SLC25A21: variants seen among roughly 807,000 people sequenced by gnomAD.
SLC25A21 encodes solute carrier family 25 member 21, also known as mitochondrial 2-oxodicarboxylate carrier.
SLC25A21 carries 47 observed loss-of-function variants against 43.8 expected under a neutral mutation model. The observed-to-expected ratio is 1.07, with a 90% CI of 0.85 to 1.37. The LOEUF is 1.37. Ranked by LOEUF, SLC25A21 falls within the 40% of genes most tolerant of loss-of-function variation. The pLI, the probability that SLC25A21 is intolerant of heterozygous loss-of-function variation, is 0.00. For synonymous variants in SLC25A21, 131 were observed against 121.3 expected (o/e 1.08, Z -0.52); for missense variants, 352 against 350.2 (o/e 1.00, Z -0.04).
chr14:36,808,830 T>C (rs1392553174), intron 3 of SLC25A21: 1 of 152,110 alleles, frequency 6.6e-6, no homozygotes, highest in Non-Finnish European at 1.5e-5. Flanking sequence ...ATCACCAGAG[T>C]ATCTTGAGTT....
chr14:36,897,025 G>A (rs1771187818), intron 1 of SLC25A21, among the ~76,000 whole-genome samples: 1 of 152,160 alleles, frequency 6.6e-6, no homozygotes, highest in African/African-American at 2.4e-5. Context: ...TCTTGGAGCT[G>A]CTCTTCTCGA....
intron 1 of SLC25A21, among the ~76,000 whole-genome samples, chr14:36,877,355 G>C (rs1890565703): frequency 6.6e-6 from 1 of 152,182 alleles, no homozygotes; most frequent in Admixed American, 6.5e-5. Flanking sequence ...AATTGTTTCA[G>C]TTTTCTATGT....
At chr14:36,719,767 A>G (rs1278089925) in intron 6 of SLC25A21, among the ~76,000 whole-genome samples, 1 of 152,214 alleles carries the variant, frequency 6.6e-6, no homozygotes, top group African/African-American at 2.4e-5. Flanking sequence ...CACATTTTAA[A>G]TTCACATTTT....
chr14:36,938,241 T>C (rs1474722048), intron 1 of SLC25A21, among the ~76,000 whole-genome samples: 5 of 152,144 alleles, frequency 3.3e-5, no homozygotes. Flanking sequence ...TAGATTTCAA[T>C]TTAAACAGAC....
intron 6 of SLC25A21, among the ~76,000 whole-genome samples, chr14:36,723,931 A>G (rs904816619): frequency 8.1e-6 from 1 of 123,470 alleles, no homozygotes; most frequent in African/African-American, 3.8e-5. Flanking sequence ...CCCAAGGGGT[A>G]AGATGGGAAC....
intron 6 of SLC25A21, among the ~76,000 whole-genome samples, chr14:36,716,014 C>T (rs1435753907): frequency 1.3e-5 from 2 of 152,034 alleles, no homozygotes; most frequent in Non-Finnish European, 2.9e-5. Context: ...TCCCTTGAAC[C>T]CAGGAGGTGG....
chr14:37,111,569 T>C (rs540566924), intron 1 of SLC25A21, among the ~76,000 whole-genome samples: 2 of 152,020 alleles, frequency 1.3e-5, no homozygotes, highest in South Asian at 2.1e-4. Context: ...AGCCAAAGAG[T>C]CAAATAATAG....
chr14:36,993,495 A>G (rs1167575742), intron 1 of SLC25A21, among the ~76,000 whole-genome samples: 4 of 152,174 alleles, frequency 2.6e-5, no homozygotes, highest in African/African-American at 4.8e-5. Flanking sequence ...CAACCAGTCA[A>G]CAACACAGGT....
At chr14:36,789,683 A>C (rs953938266) in intron 3 of SLC25A21, among the ~76,000 whole-genome samples, 1 of 129,000 alleles carries the variant, frequency 7.8e-6, no homozygotes, top group African/African-American at 2.9e-5. Flanking sequence ...TTGTTACTGT[A>C]ATCACACACA....
In SLC25A21 at chr14:37,109,431, T is replaced by C. The variant is rs148813487; in HGVS notation, c.70+62850A>G. On this transcript the variant is annotated intron_variant, in intron 1 of 9. Transcript: ENST00000331299. Reference sequence around the variant, plus strand: ...GAAAGGAAAGAAAACCTTTTTGGTATATAAAAACATAAAAATGCCAGATTT... The same window carrying C: ...GAAAGGAAAGAAAACCTTTTTGGTACATAAAAACATAAAAATGCCAGATTT... Among the ~76,000 whole-genome samples, 471 of 152,262 alleles carry C rather than the reference T, an allele frequency of 3.1e-3. 1 individual carries two copies. The highest frequency in any genetic ancestry group is 0.011 in the African/African-American group (438 of 41,566).
In SLC25A21 at chr14:36,725,623, G is replaced by C; in HGVS notation, c.385C>G (p.Pro129Ala). 6.2e-7 allele frequency: 1 copy of C among 1,601,126 alleles called. No individual in the cohort carries two copies. The highest frequency in any genetic ancestry group is 8.5e-7 in the Non-Finnish European group (1 of 1,174,106). ...SGLTEAIVVN[P>A]FEVVKVGLQA... is the part of the protein sequence containing the mutation. ...AAGCCAACTTTTACTACCTCAAAAG[G>C]GTTAACTACAATGGCTTCTGTTAGT... is the stretch of plus-strand genomic sequence containing the variant. Residue 129 changes from proline to alanine, a missense_variant, in exon 6 of 10, where the codon CCT (proline) becomes GCT (alanine). Physicochemically the swap from Pro to Ala is conservative, Grantham distance 27. Coordinates refer to ENST00000331299, the MANE Select transcript of SLC25A21 (RefSeq NM_030631.4).
chr14:37,161,102 T>G (rs1038195304), intron 1 of SLC25A21, among the ~76,000 whole-genome samples: 13 of 152,056 alleles, frequency 8.5e-5, no homozygotes, highest in Admixed American at 6.6e-5. Context: ...ATAGACACCC[T>G]AAATATCCTG....
chr14:37,154,497 C>T (rs1963812995), intron 1 of SLC25A21, among the ~76,000 whole-genome samples: 2 of 151,988 alleles, frequency 1.3e-5, no homozygotes, highest in African/African-American at 2.4e-5. Context: ...TCCAAAGGAA[C>T]ACAACAATTC....
chr14:37,160,062 T>G (rs1398871842), intron 1 of SLC25A21, among the ~76,000 whole-genome samples: 1 of 152,128 alleles, frequency 6.6e-6, no homozygotes, highest in Non-Finnish European at 1.5e-5. Context: ...ATGACAAAAT[T>G]AACAGATGTT....
At chr14:36,934,657 T>A (rs1292767579) in intron 1 of SLC25A21, among the ~76,000 whole-genome samples, 1 of 152,044 alleles carries the variant, frequency 6.6e-6, no homozygotes, top group Non-Finnish European at 1.5e-5. Flanking sequence ...TTCTAGTTTA[T>A]AAAATATAGT....
Position 36,750,455 on chromosome 14 carries a change from G to A in SLC25A21, c.204-15882C>T, listed in dbSNP as rs1319680850. Among the ~76,000 whole-genome samples the A allele has an allele frequency of 2.0e-5, 3 of 152,298 alleles. No individual in the cohort carries two copies. The East Asian group carries it at 5.8e-4, about 29-fold the overall frequency. On this transcript the variant is annotated intron_variant, in intron 3 of 9. Coordinates refer to ENST00000331299, the MANE Select transcript of SLC25A21 (RefSeq NM_030631.4). Reference sequence around the variant, plus strand: ...TCACACCTTTGAGACCATGTGCTCAGGAAATCACCAGGCCTGGTATGACTG... The same window carrying A: ...TCACACCTTTGAGACCATGTGCTCAAGAAATCACCAGGCCTGGTATGACTG...
At chr14:37,105,602 T>G (rs530337009) in intron 1 of SLC25A21, among the ~76,000 whole-genome samples, 3 of 152,202 alleles carry the variant, frequency 2.0e-5, no homozygotes, top group African/African-American at 7.2e-5. Context: ...AGCGTGGGGA[T>G]GAATCATGGC....
At chr14:36,867,434 G>T in intron 2 of SLC25A21, among the ~76,000 whole-genome samples, 1 of 151,824 alleles carries the variant, frequency 6.6e-6, no homozygotes, top group South Asian at 2.1e-4. Flanking sequence ...ACATTCACTG[G>T]GCACCTCCTG....
chr14:36,979,121 C>T lies in SLC25A21; in HGVS notation c.71-104117G>A, dbSNP rs114182070. On this transcript the variant is annotated intron_variant, in intron 1 of 9. Coordinates refer to ENST00000331299, the MANE Select transcript of SLC25A21 (RefSeq NM_030631.4). ...CAGTTTACTGTAAGACAACAGTATG[C>T]TTTAACAGGTTAGACAGCATGATGC... 2.5e-3 allele frequency among the ~76,000 whole-genome samples: 377 copies of T among 152,202 alleles called. 1 individual carries two copies. Among genetic ancestry groups the T allele is most frequent in the African/African-American group, 8.4e-3 (347 of 41,544 alleles).
Sources: gnomAD v4.1 joint callset for allele counts (sites outside exome capture counted in the v4.1 genomes callset) on GRCh38, gnomAD v4.1.1 for gene constraint, MANE v1.5 for transcripts, NCBI Gene and HGNC (gene_info 2026-07-23, HGNC 2026-07-21) for gene names.